The following CIMIP6 variants were observed in gnomAD, a reference collection of about 807,000 sequenced individuals.
CIMIP6 encodes uncharacterized protein C2orf73.
At chr2:54,360,296 C>A in the CIMIP6 span, 3 of 1,612,078 alleles carry the variant, frequency 1.9e-6, no homozygotes, top group Middle Eastern at 3.3e-4. Flanking sequence ...TCCAGGGTCA[C>A]GTTCATCAGA....
chr2:54,347,891 T>G, the CIMIP6 span, among the ~76,000 whole-genome samples: 1 of 152,222 alleles, frequency 6.6e-6, no homozygotes, highest in Non-Finnish European at 1.5e-5. Flanking sequence ...CCCATAGCAC[T>G]TAACTTCCAG....
the CIMIP6 span, among the ~76,000 whole-genome samples, chr2:54,350,071 C>T: frequency 6.6e-6 from 1 of 152,070 alleles, no homozygotes; most frequent in Non-Finnish European, 1.5e-5. Flanking sequence ...GGCCAGGCTA[C>T]TCTTGAACTC....
the CIMIP6 span, among the ~76,000 whole-genome samples, chr2:54,357,943 C>CT: frequency 6.6e-6 from 1 of 152,012 alleles, no homozygotes. Flanking sequence ...CTTCACTAAA[C>CT]TTTTTTTATT....
the CIMIP6 span, among the ~76,000 whole-genome samples, chr2:54,377,282 T>G: frequency 6.6e-6 from 1 of 152,072 alleles, no homozygotes; most frequent in Non-Finnish European, 1.5e-5. Flanking sequence ...CCAACAAAAC[T>G]TAACTGAATA....
the CIMIP6 span, among the ~76,000 whole-genome samples, chr2:54,363,315 T>G: frequency 2.0e-5 from 3 of 152,308 alleles, no homozygotes; most frequent in South Asian, 6.2e-4. Flanking sequence ...TGATGAGCTC[T>G]TTGGTCTTCC....
the CIMIP6 span, chr2:54,344,010 C>T: frequency 0.78 from 577,101 of 742,484 alleles, 225,790 homozygotes; most frequent in Non-Finnish European, 0.8. Flanking sequence ...ACAGCAAATA[C>T]AGCCCTTGGG....
chr2:54,341,521 A>G, the CIMIP6 span, among the ~76,000 whole-genome samples: 2 of 152,200 alleles, frequency 1.3e-5, no homozygotes, highest in African/African-American at 4.8e-5. Context: ...ACAGACTAAG[A>G]CGTGCACTTA....
chr2:54,339,796 T>C, the CIMIP6 span: 1 of 88,038 alleles, frequency 1.1e-5, no homozygotes, highest in African/African-American at 4.3e-5. Context: ...GCTACGCGAT[T>C]GTGGCTGTGG....
chr2:54,345,922 G>C, the CIMIP6 span, among the ~76,000 whole-genome samples: 1 of 152,150 alleles, frequency 6.6e-6, no homozygotes, highest in East Asian at 1.9e-4. Context: ...TATCAACATG[G>C]AATCAGGCAG....
chr2:54,348,372 C>T, the CIMIP6 span, among the ~76,000 whole-genome samples: 1 of 152,116 alleles, frequency 6.6e-6, no homozygotes, highest in South Asian at 2.1e-4. Flanking sequence ...AAATTTAGCT[C>T]AAGAACCTGG....
the CIMIP6 span, among the ~76,000 whole-genome samples, chr2:54,357,276 C>A: frequency 6.6e-6 from 1 of 152,122 alleles, no homozygotes; most frequent in Non-Finnish European, 1.5e-5. Flanking sequence ...ATAACAATGT[C>A]TGAATATCAA....
the CIMIP6 span, among the ~76,000 whole-genome samples, chr2:54,331,624 C>G: frequency 2.0e-5 from 3 of 152,020 alleles, no homozygotes; most frequent in Non-Finnish European, 4.4e-5. Flanking sequence ...GTGATAAAGA[C>G]CAGCATCAGC....
At chr2:54,352,287 A>G in the CIMIP6 span, among the ~76,000 whole-genome samples, 2,439 of 152,278 alleles carry the variant, frequency 0.016, 61 homozygotes, top group African/African-American at 0.056. Flanking sequence ...TTAGTAAAGC[A>G]TTAAATTTGT....
the CIMIP6 span, chr2:54,331,092 G>A: frequency 7.7e-7 from 1 of 1,303,552 alleles, no homozygotes; most frequent in Non-Finnish European, 1.1e-6. Flanking sequence ...GACAGTCCAG[G>A]CCAAGCTCAG....
At chr2:54,378,108 C>A in the CIMIP6 span, among the ~76,000 whole-genome samples, 1 of 152,188 alleles carries the variant, frequency 6.6e-6, no homozygotes, top group Non-Finnish European at 1.5e-5. Flanking sequence ...CCTAGTTCTC[C>A]TTTCCTTTTT....
chr2:54,361,166 ATAAT>A, the CIMIP6 span: 2 of 152,226 alleles, frequency 1.3e-5, no homozygotes, highest in African/African-American at 4.8e-5. Flanking sequence ...TCCTCCATAT[ATAAT>A]TAAAAGTGTG....
At chr2:54,359,989 C>T in the CIMIP6 span, among the ~76,000 whole-genome samples, 1 of 152,136 alleles carries the variant, frequency 6.6e-6, no homozygotes, top group African/African-American at 2.4e-5. Context: ...TTTTTCCTTC[C>T]TGTTCATTTT....
At chr2:54,379,991 AAAT>A in the CIMIP6 span, among the ~76,000 whole-genome samples, 2 of 138,732 alleles carry the variant, frequency 1.4e-5, no homozygotes, top group Non-Finnish European at 3.1e-5. Flanking sequence ...AAAAAAAAAA[AAAT>A]TAGCTTGGTG....
At chr2:54,362,817 G>C in the CIMIP6 span, among the ~76,000 whole-genome samples, 55 of 152,212 alleles carry the variant, frequency 3.6e-4, no homozygotes, top group Non-Finnish European at 6.2e-4. Flanking sequence ...ACAGTGCTGG[G>C]ATTACAGGCA....
Sources: gnomAD v4.1 joint callset for allele counts (sites outside exome capture counted in the v4.1 genomes callset) on GRCh38, gnomAD v4.1.1 for gene constraint, MANE v1.5 for transcripts, NCBI Gene and HGNC (gene_info 2026-07-23, HGNC 2026-07-21) for gene names.